EFEMP1: variants seen among roughly 807,000 people sequenced by gnomAD.
EFEMP1 encodes EGF-like fibulin extracellular matrix protein 1, also known as EGF-containing fibulin-like extracellular matrix protein 1.
Under a neutral mutation model 65.7 loss-of-function variants are expected in EFEMP1, and 18 were observed. The ratio of observed to expected loss-of-function variants is 0.27; its 90% CI spans 0.19 to 0.41. The LOEUF (loss-of-function observed/expected upper bound fraction) is 0.41, where lower values mean the gene tolerates loss of function less well. Among genes scored for constraint, EFEMP1 ranks in the 10% least tolerant of loss-of-function variants. EFEMP1 has a pLI of 1.00. For synonymous variants in EFEMP1, 237 were observed against 219.7 expected, an observed-to-expected ratio of 1.08 and a Z score of -0.70; for missense variants, 469 against 624.8, an observed-to-expected ratio of 0.75 and a Z score of 2.66.
intron 5 of EFEMP1, among the ~76,000 whole-genome samples, chr2:55,914,779 A>C (rs1380002490): frequency 6.6e-6 from 1 of 152,244 alleles, no homozygotes; most frequent in Non-Finnish European, 1.5e-5. Flanking sequence ...ATAAATATGC[A>C]ACATTTAAAA....
chr2:55,865,976 A>G lies in EFEMP1; in HGVS notation c.*1097T>C, dbSNP rs1668557129. ...ACCTCCAAAGATAGAGTGATCTTCT[A>G]AAGGAATATTTATTTTTATTTAAAA... On this transcript the variant is annotated 3_prime_UTR_variant, in exon 12 of 12. Coordinates refer to ENST00000355426, the MANE Select transcript of EFEMP1 (RefSeq NM_001039348.3). 1 of 152,186 alleles carries G rather than the reference A, an allele frequency of 6.6e-6. No individual in the cohort carries two copies. The allele number at this position is 152,186 out of a possible 1,614,324, so 9.4% of individuals were successfully genotyped here.
Position 55,921,697 on chromosome 2 carries a change from A to G in EFEMP1, c.81+663T>C, listed in dbSNP as rs994128571. The stretch of plus-strand genomic sequence containing the variant: ...ATTTTATTAAACATTGGTTACACCT[A>G]TGCAACTAACTAATCAAATATTACT... On this transcript the variant is annotated intron_variant, in intron 3 of 11. Coordinates refer to ENST00000355426, the MANE Select transcript of EFEMP1 (RefSeq NM_001039348.3). This position sits in a 1 kb window ranked among gnomAD's most constrained non-coding sequence, Gnocchi z 4.1. Among the ~76,000 whole-genome samples, 1 of 152,252 alleles carries G rather than the reference A, an allele frequency of 6.6e-6. No individual in the cohort carries two copies. The highest frequency in any genetic ancestry group is 1.5e-5 in the Non-Finnish European group (1 of 68,040).
chr2:55,882,493 C>T (rs889972880), intron 5 of EFEMP1, among the ~76,000 whole-genome samples: 53 of 152,074 alleles, frequency 3.5e-4, no homozygotes, highest in African/African-American at 1.1e-3. Context: ...AAAAAATGCT[C>T]AGTGATAGCA....
Position 55,906,126 on chromosome 2 carries a change from G to A in EFEMP1, c.517+11539C>T, listed in dbSNP as rs376168476. On this transcript the variant is annotated intron_variant, in intron 5 of 11. Coordinates refer to ENST00000355426, the MANE Select transcript of EFEMP1 (RefSeq NM_001039348.3). The stretch of plus-strand genomic sequence containing the variant: ...CAATTAAATTTCCTTCTTCCATTTA[G>A]TTTCTTTTTACCATTAGCTTACCCC... Among the ~76,000 whole-genome samples, 26 of 150,466 alleles carry A rather than the reference G, an allele frequency of 1.7e-4. No homozygotes were observed. In the East Asian group the frequency reaches 5.1e-3, roughly 30 times the overall value.
Position 55,867,284 on chromosome 2 carries a change from G to T in EFEMP1, c.1321-50C>A. The stretch of plus-strand genomic sequence containing the variant: ...GGAAGAGAATAATTTTCTTGGATTG[G>T]AGTTTCTATGCTTTGTTAGTATACC... On this transcript the variant is annotated intron_variant, in intron 11 of 11. Coordinates refer to ENST00000355426, the MANE Select transcript of EFEMP1 (RefSeq NM_001039348.3). The surrounding 1 kb of genome is among the most constrained non-coding windows in gnomAD (Gnocchi z 4.3). 6.3e-7 allele frequency: 1 copy of T among 1,586,198 alleles called. No individual in the cohort carries two copies.
rs1266170676 is a variant in EFEMP1, at chr2:55,867,055, G to C, written c.*18C>G. ...TCTTTGGCTGACTTAAATGCCTGTG[G>C]TTGACTCTTAGAAAAGACTAAAATG... On this transcript the variant is annotated 3_prime_UTR_variant, in exon 12 of 12. Transcript: ENST00000355426. The surrounding 1 kb of genome is among the most constrained non-coding windows in gnomAD (Gnocchi z 4.3). 1.2e-6 allele frequency: 2 copies of C among 1,611,858 alleles called. No individual in the cohort carries two copies. Among genetic ancestry groups the C allele is most frequent in the East Asian group, 2.2e-5 (1 of 44,872 alleles).
Position 55,874,940 on chromosome 2 carries a change from A to G in EFEMP1, c.1000+6T>C. The G allele has an allele frequency of 1.3e-6, 2 of 1,599,258 alleles. No individual in the cohort carries two copies. The highest frequency in any genetic ancestry group is 1.7e-6 in the Non-Finnish European group (2 of 1,170,806). ...ACCTAACATATGAAAAAAAAAATAAACTTACCTTGACATGTTCTACTTCTC... is the reference window on the plus strand; with the variant it reads ...ACCTAACATATGAAAAAAAAAATAAGCTTACCTTGACATGTTCTACTTCTC... On this transcript the variant is annotated splice_donor_region_variant and intron_variant, in intron 9 of 11. Transcript: ENST00000355426.
At chr2:55,908,374 A>G (rs72811704) in intron 5 of EFEMP1, among the ~76,000 whole-genome samples, 8,401 of 152,218 alleles carry the variant, frequency 0.055, 354 homozygotes, top group African/African-American at 0.12. Flanking sequence ...ACTTAAATGT[A>G]CAATCTGAAA....
chr2:55,911,982 A>G lies in EFEMP1; in HGVS notation c.517+5683T>C, dbSNP rs992449711. On this transcript the variant is annotated intron_variant, in intron 5 of 11. Coordinates refer to ENST00000355426, the MANE Select transcript of EFEMP1 (RefSeq NM_001039348.3). ...TTTTAGGAGTAAATCAATTACTTCC[A>G]TACACTGCATCGGCTTATTTGAAAA... Among the ~76,000 whole-genome samples the G allele has an allele frequency of 2.0e-5, 3 of 152,334 alleles. No individual in the cohort carries two copies. In the South Asian group the frequency reaches 6.2e-4, roughly 32 times the overall value.
rs1306108849 is a variant in EFEMP1, at chr2:55,877,959, C to G, written c.641-94G>C. On this transcript the variant is annotated intron_variant, in intron 6 of 11. Transcript: ENST00000355426. This position sits in a 1 kb window ranked among gnomAD's most constrained non-coding sequence, Gnocchi z 4.5. ...TAGAAAACCTATGTAGAGAAAATCT[C>G]TTTTTAAAAGTAATAATTTCCTATT... 1 of 1,477,908 alleles carries G rather than the reference C, an allele frequency of 6.8e-7. No individual in the cohort carries two copies. Among genetic ancestry groups the G allele is most frequent in the Non-Finnish European group, 9.2e-7 (1 of 1,082,158 alleles). 91.5% of individuals were successfully genotyped at this position (1,477,908 alleles called of 1,614,324 possible). A position where few individuals can be genotyped will look rare whatever the true frequency, so the allele number is the denominator to read the frequency against.
intron 5 of EFEMP1, among the ~76,000 whole-genome samples, chr2:55,888,939 C>A (rs1669531008): frequency 6.6e-6 from 1 of 152,138 alleles, no homozygotes; most frequent in Non-Finnish European, 1.5e-5. Flanking sequence ...GCCACTTGAT[C>A]TCTCCTCTCC....
chr2:55,894,301 T>G (rs1669735933), intron 5 of EFEMP1, among the ~76,000 whole-genome samples: 1 of 152,202 alleles, frequency 6.6e-6, no homozygotes, highest in East Asian at 1.9e-4. Context: ...TTGAGAATGT[T>G]AAGGACATTG....
chr2:55,875,247 A>C (rs1446183126), intron 8 of EFEMP1, among the ~76,000 whole-genome samples, 182 bp from the exon 9 acceptor site: 1 of 148,450 alleles, frequency 6.7e-6, no homozygotes, highest in Non-Finnish European at 1.5e-5. Flanking sequence ...ATATCTACCT[A>C]TATATATATA....
At position 55,881,713 on chromosome 2, in the gene EFEMP1, C is replaced by T. The variant is rs199946928; in HGVS notation, c.539G>A (p.Gly180Glu). ...VCQDIDECTA[G>E]THNCRADQVC... is the part of the protein sequence containing the mutation. ...TTGGTCTGCTCTACAGTTGTGCGTC[C>T]CTGCAGTGCACTCGTCTATGTCTGT... Residue 180 changes from glycine to glutamate, a missense_variant, in exon 6 of 12, where the codon GGG (glycine) becomes GAG (glutamate). By Grantham distance (98) the Gly-to-Glu change is moderately conservative. Transcript: ENST00000355426. 6.2e-7 allele frequency: 1 copy of T among 1,613,900 alleles called. No homozygotes were observed.
At position 55,922,752 on chromosome 2, in the gene EFEMP1, A is replaced by T. The variant is rs183076370; in HGVS notation, c.-8+147T>A. 4.1e-5 allele frequency: 23 copies of T among 558,594 alleles called. No homozygotes were observed. The African/African-American group carries it at 4.1e-4, about 10-fold the overall frequency. The allele number at this position is 558,594 out of a possible 1,614,324, so 34.6% of individuals were successfully genotyped here. A position where few individuals can be genotyped will look rare whatever the true frequency, so the allele number is the denominator to read the frequency against. ...ATACTGCACCTACAAAGCAGGCTGCAGAAAGAGGGGGTCGAAAGGAAAAAA... is the reference window on the plus strand; with the variant it reads ...ATACTGCACCTACAAAGCAGGCTGCTGAAAGAGGGGGTCGAAAGGAAAAAA... On this transcript the variant is annotated intron_variant, in intron 2 of 11. Coordinates refer to ENST00000355426, the MANE Select transcript of EFEMP1 (RefSeq NM_001039348.3). The surrounding 1 kb of genome is among the most constrained non-coding windows in gnomAD (Gnocchi z 5.5).
At chr2:55,913,992 A>G (rs989192509) in intron 5 of EFEMP1, among the ~76,000 whole-genome samples, 1 of 152,108 alleles carries the variant, frequency 6.6e-6, no homozygotes, top group Non-Finnish European at 1.5e-5. Flanking sequence ...CCTGGGTGAC[A>G]GCGTGAGACT....
Position 55,867,316 on chromosome 2 carries a change from A to G in EFEMP1, c.1321-82T>C. The stretch of plus-strand genomic sequence containing the variant: ...TATGCTTTGTTAGTATACCTCCTAT[A>G]AGAATTAGGGGGAGAATTTTGAAGG... On this transcript the variant is annotated intron_variant, in intron 11 of 11. Coordinates refer to ENST00000355426, the MANE Select transcript of EFEMP1 (RefSeq NM_001039348.3). This position sits in a 1 kb window ranked among gnomAD's most constrained non-coding sequence, Gnocchi z 4.3. 6.8e-7 allele frequency: 1 copy of G among 1,467,466 alleles called. No homozygotes were observed. Among genetic ancestry groups the G allele is most frequent in the Non-Finnish European group, 9.3e-7 (1 of 1,076,248 alleles). The allele number at this position is 1,467,466 out of a possible 1,614,324, so 90.9% of individuals were successfully genotyped here. A position where few individuals can be genotyped will look rare whatever the true frequency, so the allele number is the denominator to read the frequency against.
rs1669117391 is a variant in EFEMP1, at chr2:55,878,468, C to T, written c.641-603G>A. Among the ~76,000 whole-genome samples the T allele has an allele frequency of 2.6e-5, 4 of 152,206 alleles. No homozygotes were observed. In the South Asian group the frequency reaches 8.3e-4, roughly 32 times the overall value. On this transcript the variant is annotated intron_variant, in intron 6 of 11. Coordinates refer to ENST00000355426, the MANE Select transcript of EFEMP1 (RefSeq NM_001039348.3). The stretch of plus-strand genomic sequence containing the variant: ...GAAGTGTTCCAGCCTGTGTCCTTCT[C>T]ATATAAATATTTTCAACTATAAAAT...
intron 11 of EFEMP1, among the ~76,000 whole-genome samples, chr2:55,868,991 T>G (rs1668696383): frequency 6.6e-6 from 1 of 152,194 alleles, no homozygotes; most frequent in Non-Finnish European, 1.5e-5. Context: ...CTATTTTTAT[T>G]ATTTTAAATA....
Sources: gnomAD v4.1 joint callset for allele counts (sites outside exome capture counted in the v4.1 genomes callset) on GRCh38, gnomAD v4.1.1 for gene constraint, Gnocchi (gnomAD v3.1) non-coding constraint, MANE v1.5 for transcripts, NCBI Gene and HGNC (gene_info 2026-07-23, HGNC 2026-07-21) for gene names.